The following PPP6R1 variants were observed in gnomAD, a reference collection of about 807,000 sequenced individuals.
The protein encoded by PPP6R1 is serine/threonine-protein phosphatase 6 regulatory subunit 1.
Under a neutral mutation model 104.6 loss-of-function variants are expected in PPP6R1, and 39 were observed. That is an observed-to-expected ratio of 0.37 (90% CI 0.29 to 0.49). The LOEUF is 0.49. Ranked by LOEUF, PPP6R1 falls within the 20% of genes least tolerant of loss-of-function variation. PPP6R1 has a pLI of 0.98. For synonymous variants in PPP6R1, 549 were observed against 479.0 expected (o/e 1.15, Z -1.91); for missense variants, 1,181 against 1,155.8 (o/e 1.02, Z -0.32).
intron 1 of PPP6R1, among the ~76,000 whole-genome samples, chr19:55,254,905 C>A (rs1046904221): frequency 1.3e-5 from 2 of 152,340 alleles, no homozygotes; most frequent in Middle Eastern, 3.4e-3. Flanking sequence ...TAATGGCAAC[C>A]CCACCACCTC....
chr19:55,255,660 T>C, intron 1 of PPP6R1: 1 of 152,446 alleles, frequency 6.6e-6, no homozygotes, highest in Non-Finnish European at 1.5e-5. Context: ...ACCAAAGCTC[T>C]CAGGCCTCTC....
Position 55,258,743 on chromosome 19 carries a change from G to A in PPP6R1, c.-315C>T, listed in dbSNP as rs2087616200. On this transcript the variant is annotated 5_prime_UTR_variant, in exon 1 of 24. Transcript: ENST00000412770. The stretch of plus-strand genomic sequence containing the variant: ...AGGCGAGGTGGGCGTGCGGGCCGAG[G>A]CGGGTTGGCGAGCCGGGTCGCGAGG... The A allele has an allele frequency of 6.6e-6, 1 of 151,906 alleles. No homozygotes were observed. Among genetic ancestry groups the A allele is most frequent in the South Asian group, 2.1e-4 (1 of 4,836 alleles). The allele number at this position is 151,906 out of a possible 1,614,324, so 9.4% of individuals were successfully genotyped here. A position where few individuals can be genotyped will look rare whatever the true frequency, so the allele number is the denominator to read the frequency against.
At position 55,241,752 on chromosome 19, in the gene PPP6R1, GC is replaced by G; in HGVS notation, c.846-114del. 4.7e-6 allele frequency: 6 copies of G among 1,264,798 alleles called. No individual in the cohort carries two copies. Among genetic ancestry groups the G allele is most frequent in the Non-Finnish European group, 4.3e-6 (4 of 932,910 alleles). The allele number at this position is 1,264,798 out of a possible 1,614,324, so 78.3% of individuals were successfully genotyped here. ...TCTGGAGGAAAACGAGGAGCCACAT[GC>G]CCCCAGCGCCGCTCTCTTCTGAGGC... On this transcript the variant is annotated intron_variant, in intron 7 of 23. Coordinates refer to ENST00000412770, the MANE Select transcript of PPP6R1 (RefSeq NM_014931.4). The surrounding 1 kb of genome is among the most constrained non-coding windows in gnomAD (Gnocchi z 5.4).
At position 55,258,615 on chromosome 19, in the gene PPP6R1, T is replaced by G. The variant is rs1425566842; in HGVS notation, c.-187A>C. The G allele has an allele frequency of 6.7e-6, 1 of 148,898 alleles. No individual in the cohort carries two copies. Among genetic ancestry groups the G allele is most frequent in the African/African-American group, 2.5e-5 (1 of 40,034 alleles). The allele number at this position is 148,898 out of a possible 1,614,324, so 9.2% of individuals were successfully genotyped here. A position where few individuals can be genotyped will look rare whatever the true frequency, so the allele number is the denominator to read the frequency against. ...GCGCAGGCGCCCGCGGGTCGTGGGG[T>G]CCTCGCGCGCCGGGTCCTGCAGAGT... On this transcript the variant is annotated 5_prime_UTR_variant, in exon 1 of 24. Coordinates refer to ENST00000412770, the MANE Select transcript of PPP6R1 (RefSeq NM_014931.4).
rs201179262 is a variant in PPP6R1, at chr19:55,239,837, T to C, written c.1552A>G (p.Met518Val). 535 of 1,613,658 alleles carry C rather than the reference T, an allele frequency of 3.3e-4. No individual in the cohort carries two copies. Among genetic ancestry groups the C allele is most frequent in the Non-Finnish European group, 4.2e-4 (491 of 1,179,760 alleles). ...AAGCTGGGCCTCACCAGGTCCACCA[T>C]GTTCTTCTTGTTGGTCTCCGCCAGG... Reference protein sequence around the residue: ...GPLAETNKKNMVDLVNTHHLH... With the variant: ...GPLAETNKKNVVDLVNTHHLH... Residue 518 changes from methionine (M) to valine (V), a missense_variant, in exon 13 of 24, where the codon ATG becomes GTG. Met to Val is a conservative substitution (Grantham distance 21). This residue lies in a region of PPP6R1 where 1,042 missense variants were observed against 955.6 expected (regional missense o/e 1.09). Transcript: ENST00000412770.
chr19:55,252,578 T>C (rs2087562349), intron 1 of PPP6R1, among the ~76,000 whole-genome samples: 1 of 152,080 alleles, frequency 6.6e-6, no homozygotes, highest in Admixed American at 6.6e-5. Flanking sequence ...GTGTGTGTTT[T>C]TTTAGTAAAG....
chr19:55,233,554 G>C (rs1193507052), intron 17 of PPP6R1, among the ~76,000 whole-genome samples: 1 of 152,202 alleles, frequency 6.6e-6, no homozygotes, highest in Admixed American at 6.5e-5. Flanking sequence ...ATCCTAAGGA[G>C]TCCACTAAAA....
At chr19:55,256,987 G>A (rs2087598305) in intron 1 of PPP6R1, among the ~76,000 whole-genome samples, 1 of 150,392 alleles carries the variant, frequency 6.6e-6, no homozygotes, top group Admixed American at 6.7e-5. Context: ...TCGCTTGGCA[G>A]AAGCCGGACT....
At chr19:55,243,184 G>A (rs2087474457) in intron 5 of PPP6R1, among the ~76,000 whole-genome samples, 1 of 152,154 alleles carries the variant, frequency 6.6e-6, no homozygotes. Flanking sequence ...GGAGGCCGAG[G>A]CAGGTGGATC....
intron 17 of PPP6R1, among the ~76,000 whole-genome samples, chr19:55,236,126 GC>G (rs2087396855): frequency 6.6e-6 from 1 of 150,906 alleles, no homozygotes; most frequent in African/African-American, 2.4e-5. Context: ...GAGCCACTGT[GC>G]CCGGCTAATT....
chr19:55,254,204 C>T (rs1035716144), intron 1 of PPP6R1, among the ~76,000 whole-genome samples: 3 of 152,366 alleles, frequency 2.0e-5, no homozygotes, highest in Admixed American at 1.3e-4. Flanking sequence ...CCATTCTTTG[C>T]AACTTTTAGC....
At chr19:55,231,044 G>C (rs2087340167) in intron 21 of PPP6R1, 160 bp from the exon 22 acceptor site, 1 of 672,522 alleles carries the variant, frequency 1.5e-6, no homozygotes, top group Non-Finnish European at 2.6e-6. Context: ...AGCGTGGAGG[G>C]ACAGCACAGC....
At chr19:55,228,405 G>T, downstream of PPP6R1, 1 of 1,613,444 alleles carries the variant, frequency 6.2e-7, no homozygotes, top group South Asian at 1.1e-5. Flanking sequence ...AGGAGAGGAT[G>T]AAGGGGCTCA....
intron 17 of PPP6R1, among the ~76,000 whole-genome samples, chr19:55,234,873 A>G (rs185990220): frequency 6.6e-5 from 10 of 152,356 alleles, no homozygotes; most frequent in African/African-American, 2.2e-4. Flanking sequence ...AAGTGAAAAC[A>G]GAGACAAAAC....
Position 55,245,702 on chromosome 19 carries a change from G to A in PPP6R1, c.228-24C>T, listed in dbSNP as rs749057676. ...ACCTGGGAGGCAAGCACAGGCGGGT[G>A]GGGGCTCGGGTCGGAGGCCGGGGGC... On this transcript the variant is annotated intron_variant, in intron 2 of 23. Coordinates refer to ENST00000412770, the MANE Select transcript of PPP6R1 (RefSeq NM_014931.4). This position sits in a 1 kb window ranked among gnomAD's most constrained non-coding sequence, Gnocchi z 6.4. The A allele has an allele frequency of 4.8e-5, 77 of 1,591,756 alleles. No individual in the cohort carries two copies. Among genetic ancestry groups the A allele is most frequent in the Non-Finnish European group, 6.2e-5 (73 of 1,172,126 alleles).
Position 55,240,087 on chromosome 19 carries a change from G to T in PPP6R1, c.1389C>A (p.Tyr463Ter). Residue 463 changes from tyrosine to a stop codon, truncating the protein, a stop_gained, in exon 12 of 24, where the codon TAC becomes TAA. Transcript: ENST00000412770. LOFTEE classifies it high-confidence loss of function. ...VQCAGGPRKGYMGHLTRVAGA... is the reference protein window; with the variant it reads ...VQCAGGPRKG ...CGGCCACTCTTGTCAGGTGACCCAT[G>T]TAGCCTTTCCGAGGGCCTCCCGCAC... is the stretch of plus-strand genomic sequence containing the variant. 1 of 1,596,416 alleles carries T rather than the reference G, an allele frequency of 6.3e-7. No homozygotes were observed.
At chr19:55,231,101 G>C in intron 21 of PPP6R1, 1 of 617,506 alleles carries the variant, frequency 1.6e-6, no homozygotes, top group South Asian at 1.9e-5. Context: ...CTGTCCCTGT[G>C]GAGGAGGTAC....
At chr19:55,257,400 A>G (rs889566805) in intron 1 of PPP6R1, among the ~76,000 whole-genome samples, 9 of 152,158 alleles carry the variant, frequency 5.9e-5, no homozygotes, top group Non-Finnish European at 1.2e-4. Context: ...GCGGGTGTCT[A>G]TGGTCATGTC....
Position 55,242,443 on chromosome 19 carries a change from T to A in PPP6R1, c.664A>T (p.Ser222Cys). 1 of 1,613,968 alleles carries A rather than the reference T, an allele frequency of 6.2e-7. No individual in the cohort carries two copies. Among genetic ancestry groups the A allele is most frequent in the South Asian group, 1.1e-5 (1 of 91,084 alleles). ...TGGACTTGGATCATCTGCTCCCGGCTCAGGCGGATGATGTCACACAGGGAC... is the reference window on the plus strand; with the variant it reads ...TGGACTTGGATCATCTGCTCCCGGCACAGGCGGATGATGTCACACAGGGAC... ...SQSLCDIIRL[S>C]REQMIQVQDS... is the part of the protein sequence containing the mutation. Residue 222 changes from serine (S) to cysteine (C), a missense_variant, in exon 6 of 24, where the codon AGC (serine) becomes TGC (cysteine). By Grantham distance (112) the Ser-to-Cys change is moderately radical. This residue lies in a region of PPP6R1 where 1,042 missense variants were observed against 955.6 expected (regional missense o/e 1.09). Transcript: ENST00000412770.
Sources: gnomAD v4.1 joint callset for allele counts (sites outside exome capture counted in the v4.1 genomes callset) on GRCh38, gnomAD v4.1.1 for gene constraint, gnomAD v4.1.1 regional missense constraint, Gnocchi (gnomAD v3.1) non-coding constraint, MANE v1.5 for transcripts, NCBI Gene and HGNC (gene_info 2026-07-23, HGNC 2026-07-21) for gene names.